OR1J2: variants seen among roughly 807,000 people sequenced by gnomAD.
OR1J2 encodes olfactory receptor 1J2.
For synonymous variants in OR1J2, 142 were observed against 99.7 expected, an observed-to-expected ratio of 1.42 and a Z score of -2.52; for missense variants, 304 against 246.1, an observed-to-expected ratio of 1.24 and a Z score of -1.57.
At chr9:122,451,152 CATTATT>C in the OR1J2 span, among the ~76,000 whole-genome samples, 9,547 of 137,510 alleles carry the variant, frequency 0.069, 393 homozygotes, top group Middle Eastern at 0.14. Context: ...CTATCACCTG[CATTATT>C]ATTATTATTA....
chr9:122,519,360 T>A, the OR1J2 span: 2 of 1,614,164 alleles, frequency 1.2e-6, no homozygotes, highest in Non-Finnish European at 1.7e-6. Flanking sequence ...CATCTCCCTT[T>A]CATCTGTCAC....
At chr9:122,504,727 A>G in the OR1J2 span, among the ~76,000 whole-genome samples, 1 of 152,090 alleles carries the variant, frequency 6.6e-6, no homozygotes, top group Non-Finnish European at 1.5e-5. Context: ...AATCTGTCCA[A>G]ACCCACCACA....
chr9:122,527,601 G>T, the OR1J2 span, among the ~76,000 whole-genome samples: 31 of 152,146 alleles, frequency 2.0e-4, no homozygotes, highest in East Asian at 5.8e-3. Context: ...TTTGCAGTAG[G>T]CTGTCTATGT....
chr9:122,484,663 A>G, the OR1J2 span, among the ~76,000 whole-genome samples: 30 of 152,276 alleles, frequency 2.0e-4, 1 homozygote, highest in East Asian at 4.6e-3. Context: ...AGAAGGGGCA[A>G]AAATTTCTGC....
At chr9:122,494,826 G>A in the OR1J2 span, among the ~76,000 whole-genome samples, 1 of 152,058 alleles carries the variant, frequency 6.6e-6, no homozygotes, top group Non-Finnish European at 1.5e-5. Context: ...GTATTTTAAG[G>A]ATTTGTTCCA....
chr9:122,563,476 C>T, the OR1J2 span, among the ~76,000 whole-genome samples: 1 of 151,866 alleles, frequency 6.6e-6, no homozygotes, highest in African/African-American at 2.4e-5. Context: ...TTGTTGTTAT[C>T]GAGACATTTG....
At chr9:122,506,717 A>G (rs926571592), upstream of OR1J2, among the ~76,000 whole-genome samples, 35 of 152,128 alleles carry the variant, frequency 2.3e-4, 1 homozygote, top group Admixed American at 7.2e-4. Flanking sequence ...GAAGAGATAG[A>G]ATGTAAAAAG....
At chr9:122,526,637 A>T in the OR1J2 span, 2 of 1,614,044 alleles carry the variant, frequency 1.2e-6, no homozygotes, top group Non-Finnish European at 1.7e-6. Context: ...TAGCTGGCAC[A>T]ATGTGGATGT....
the OR1J2 span, among the ~76,000 whole-genome samples, chr9:122,536,263 AAAAC>A: frequency 0.025 from 3,847 of 152,274 alleles, 49 homozygotes; most frequent in Middle Eastern, 0.058. Context: ...CTCTAAAAAC[AAAAC>A]AAACAAACAA....
At chr9:122,537,708 A>G in the OR1J2 span, among the ~76,000 whole-genome samples, 1 of 152,134 alleles carries the variant, frequency 6.6e-6, no homozygotes, top group East Asian at 1.9e-4. Flanking sequence ...TGTCATTGAA[A>G]TGGCCTCATT....
chr9:122,503,972 T>C, the OR1J2 span, among the ~76,000 whole-genome samples: 1 of 152,218 alleles, frequency 6.6e-6, no homozygotes, highest in Non-Finnish European at 1.5e-5. Context: ...TTTTTGTCTC[T>C]TTTTCAATTA....
At chr9:122,567,860 A>G in the OR1J2 span, 5 of 1,614,088 alleles carry the variant, frequency 3.1e-6, no homozygotes, top group Non-Finnish European at 1.7e-6. Context: ...TCACCAAAAC[A>G]ATAGGTGCTT....
the OR1J2 span, among the ~76,000 whole-genome samples, chr9:122,455,015 T>C: frequency 6.6e-6 from 1 of 152,382 alleles, no homozygotes; most frequent in East Asian, 1.9e-4. Flanking sequence ...CATAATGTTT[T>C]CAAGGTTCAT....
At chr9:122,456,034 T>C in the OR1J2 span, among the ~76,000 whole-genome samples, 36 of 152,322 alleles carry the variant, frequency 2.4e-4, no homozygotes, top group African/African-American at 8.2e-4. Context: ...AACTCTCAAT[T>C]CCATTCAGTT....
the OR1J2 span, chr9:122,477,963 G>A: frequency 7.1e-7 from 1 of 1,404,152 alleles, no homozygotes; most frequent in Non-Finnish European, 9.7e-7. Flanking sequence ...GAAATTTGAA[G>A]GAAAAAAATG....
chr9:122,489,792 C>T, the OR1J2 span, among the ~76,000 whole-genome samples: 1 of 152,096 alleles, frequency 6.6e-6, no homozygotes, highest in Non-Finnish European at 1.5e-5. Context: ...CAATTTGATA[C>T]TCAGTTGTAG....
At chr9:122,469,421 C>T in the OR1J2 span, among the ~76,000 whole-genome samples, 1 of 152,162 alleles carries the variant, frequency 6.6e-6, no homozygotes, top group South Asian at 2.1e-4. Flanking sequence ...GTAAGAAGTG[C>T]CTTTCACCTC....
the OR1J2 span, among the ~76,000 whole-genome samples, chr9:122,556,426 T>C: frequency 2.0e-5 from 3 of 152,064 alleles, no homozygotes; most frequent in Non-Finnish European, 4.4e-5. Context: ...TTTATTCTGT[T>C]ATATTGATCT....
the OR1J2 span, among the ~76,000 whole-genome samples, chr9:122,549,007 C>T: frequency 1.3e-5 from 2 of 151,786 alleles, no homozygotes; most frequent in African/African-American, 4.8e-5. Flanking sequence ...TCTTTGTTGC[C>T]TGTGCTTTTG....
Sources: gnomAD v4.1 joint callset for allele counts (sites outside exome capture counted in the v4.1 genomes callset) on GRCh38, gnomAD v4.1.1 for gene constraint, MANE v1.5 for transcripts, NCBI Gene and HGNC (gene_info 2026-07-23, HGNC 2026-07-21) for gene names.